DSG1: variants seen among roughly 807,000 people sequenced by gnomAD.
DSG1 encodes the protein desmoglein-1.
A neutral mutation model predicts 97.5 loss-of-function variants in DSG1; 39 were observed. The observed-to-expected ratio is 0.40, with a 90% CI of 0.31 to 0.52. The LOEUF (loss-of-function observed/expected upper bound fraction) is 0.52. Ranked by LOEUF, DSG1 falls within the 20% of genes least tolerant of loss-of-function variation. The pLI is 0.53. For synonymous variants in DSG1, 475 were observed against 443.4 expected, an observed-to-expected ratio of 1.07 and a Z score of -0.90; for missense variants, 1,311 against 1,295.4, an observed-to-expected ratio of 1.01 and a Z score of -0.18.
At position 31,359,009 on chromosome 18, in the gene DSG1, A is replaced by G. The variant is rs2071980902; in HGVS notation, c.*3663A>G. 6.6e-6 allele frequency among the ~76,000 whole-genome samples: 1 copy of G among 152,152 alleles called. No homozygotes were observed. The highest frequency in any genetic ancestry group is 6.6e-5 in the Admixed American group (1 of 15,266). ...CTGTATTTGAATTACTAAATGCTTT[A>G]TCGTCAAACTGTACCTAGTCTAACT... On this transcript the variant is annotated 3_prime_UTR_variant, in exon 15 of 15. Coordinates refer to ENST00000257192, the MANE Select transcript of DSG1 (RefSeq NM_001942.4).
chr18:31,324,021 C>T (rs2071670086), intron 1 of DSG1, among the ~76,000 whole-genome samples: 1 of 109,844 alleles, frequency 9.1e-6, no homozygotes, highest in Non-Finnish European at 1.7e-5. Flanking sequence ...CAAAGTCTTG[C>T]TCTGTCCCCA....
rs998104488 is a variant in DSG1 at position 31,330,866 on chromosome 18, G to A, written c.517+830G>A. On this transcript the variant is annotated intron_variant, in intron 5 of 14. Transcript: ENST00000257192. ...ATTTAATTATATAAATTACATAAGT[G>A]TATATAAATGTTAATTATCTAGTGA... is the stretch of plus-strand genomic sequence containing the variant. Among the ~76,000 whole-genome samples, 20 of 151,982 alleles carry A rather than the reference G, an allele frequency of 1.3e-4. 1 individual carries two copies. The highest frequency in any genetic ancestry group is 4.8e-4 in the African/African-American group (20 of 41,394).
chr18:31,337,648 G>C (rs1330194677), intron 9 of DSG1, among the ~76,000 whole-genome samples: 1 of 152,176 alleles, frequency 6.6e-6, no homozygotes, highest in Non-Finnish European at 1.5e-5. Flanking sequence ...TGTTGCTGAT[G>C]AGCGCTCTTG....
chr18:31,334,335 T>G, intron 8 of DSG1, 133 bp downstream of exon 8: 1 of 613,576 alleles, frequency 1.6e-6, no homozygotes, highest in Non-Finnish European at 2.8e-6. Flanking sequence ...TTTAAATATA[T>G]ATATAACATA....
chr18:31,324,511 G>T (rs1468441505), intron 1 of DSG1, among the ~76,000 whole-genome samples: 1 of 152,072 alleles, frequency 6.6e-6, no homozygotes, highest in Non-Finnish European at 1.5e-5. Flanking sequence ...GTTTCCAATT[G>T]CTGATCATCT....
At chr18:31,328,451 T>G (rs2144089766) in intron 4 of DSG1, 107 bp downstream of exon 4, 1 of 1,173,740 alleles carries the variant, frequency 8.5e-7, no homozygotes, top group East Asian at 2.4e-5. Context: ...ATATTTGGCA[T>G]TTTTGGTTGT....
rs1022150663 is a variant in DSG1 at position 31,351,054 on chromosome 18, T to A, written c.2101-3243T>A. The stretch of plus-strand genomic sequence containing the variant: ...CTTGCTTTTCTAGTTCTTTTAATTG[T>A]GATGTTAGGGTGTCAATTTGGGATC... On this transcript the variant is annotated intron_variant, in intron 14 of 14. Coordinates refer to ENST00000257192, the MANE Select transcript of DSG1 (RefSeq NM_001942.4). Among the ~76,000 whole-genome samples the A allele has an allele frequency of 6.7e-5, 10 of 149,598 alleles. 1 individual carries two copies. Among genetic ancestry groups the A allele is most frequent in the African/African-American group, 2.6e-4 (10 of 39,120 alleles).
At chr18:31,353,632 C>T (rs1365795223) in intron 14 of DSG1, among the ~76,000 whole-genome samples, 4 of 151,658 alleles carry the variant, frequency 2.6e-5, no homozygotes, top group South Asian at 4.2e-4. Flanking sequence ...ACTCCGTGGG[C>T]GTAGGACCCT....
At chr18:31,346,976 C>T (rs1598711674) in intron 14 of DSG1, among the ~76,000 whole-genome samples, 1 of 152,240 alleles carries the variant, frequency 6.6e-6, no homozygotes, top group East Asian at 1.9e-4. Flanking sequence ...GAAGCAGCTG[C>T]AGGAGAATTT....
At chr18:31,342,238 G>GT (rs1295554169) in intron 11 of DSG1, among the ~76,000 whole-genome samples, 2 of 152,074 alleles carry the variant, frequency 1.3e-5, no homozygotes, top group African/African-American at 4.8e-5. Context: ...GTCCTGAGTT[G>GT]TTTTTTTACA....
Position 31,318,168 on chromosome 18 carries a change from C to T in DSG1, c.-133C>T. ...TTCTCCCAGAGGAAGGCAGAAACACCTCAAAGCCTGCATGTAAGAACATCT... is the reference window on the plus strand; with the variant it reads ...TTCTCCCAGAGGAAGGCAGAAACACTTCAAAGCCTGCATGTAAGAACATCT... On this transcript the variant is annotated 5_prime_UTR_variant, in exon 1 of 15. Transcript: ENST00000257192. 1 of 840,200 alleles carries T rather than the reference C, an allele frequency of 1.2e-6. No homozygotes were observed. The highest frequency in any genetic ancestry group is 2.1e-6 in the Non-Finnish European group (1 of 487,284). The allele number at this position is 840,200 out of a possible 1,614,324, so 52.0% of individuals were successfully genotyped here. A position where few individuals can be genotyped will look rare whatever the true frequency, so the allele number is the denominator to read the frequency against.
rs138330806 is a variant in DSG1, at chr18:31,334,059, C to T, written c.862C>T (p.Leu288Phe). ...AGAAAATACTCTAAATTCAAATTTG[C>T]TCGAGATTAGAGTAATTGATTTGGA... ...IQENTLNSNL[L>F]EIRVIDLDEE... Residue 288 changes from leucine to phenylalanine, a missense_variant, in exon 8 of 15, where the codon CTC becomes TTC. Around this residue, in one of 3 missense-constraint regions of DSG1, gnomAD observed 1,038 missense variants for 964.6 expected, o/e 1.08. Transcript: ENST00000257192. 3.1e-6 allele frequency: 5 copies of T among 1,610,526 alleles called. No individual in the cohort carries two copies. The African/African-American group carries it at 6.7e-5, about 22-fold the overall frequency.
chr18:31,343,812 A>G (rs775691540), intron 12 of DSG1, 114 bp from the exon 13 acceptor site: 1 of 1,161,020 alleles, frequency 8.6e-7, no homozygotes, highest in Non-Finnish European at 1.3e-6. Context: ...TTTCCTAAAT[A>G]GTATTTTTTT....
At chr18:31,321,028 G>T (rs1001863324) in intron 1 of DSG1, among the ~76,000 whole-genome samples, 1 of 151,974 alleles carries the variant, frequency 6.6e-6, no homozygotes, top group African/African-American at 2.4e-5. Flanking sequence ...GACCATGAAT[G>T]ATCTGATTAT....
At chr18:31,328,444 T>C (rs891161855) in intron 4 of DSG1, 100 bp downstream of exon 4, 34 of 1,247,084 alleles carry the variant, frequency 2.7e-5, no homozygotes, top group Middle Eastern at 2.6e-4. Flanking sequence ...AGTCTCAATA[T>C]TTGGCATTTT....
intron 1 of DSG1, among the ~76,000 whole-genome samples, chr18:31,319,741 C>T (rs913521770): frequency 1.3e-5 from 2 of 152,124 alleles, no homozygotes; most frequent in Non-Finnish European, 2.9e-5. Flanking sequence ...CATAGAATCT[C>T]TAAGATGTGC....
intron 1 of DSG1, among the ~76,000 whole-genome samples, chr18:31,323,450 T>C (rs1817292660): frequency 6.6e-6 from 1 of 152,224 alleles, no homozygotes; most frequent in Non-Finnish European, 1.5e-5. Context: ...CCTTTCCTAA[T>C]TGATCGATTT....
rs1443794984 is a variant in DSG1 at position 31,358,488 on chromosome 18, T to G, written c.*3142T>G. On this transcript the variant is annotated 3_prime_UTR_variant, in exon 15 of 15. Coordinates refer to ENST00000257192, the MANE Select transcript of DSG1 (RefSeq NM_001942.4). ...ATAATTTTTATTCAAGAAAATGTTC[T>G]GACAAAATTTTAATTATATGTCTTC... 2.0e-5 allele frequency among the ~76,000 whole-genome samples: 3 copies of G among 152,122 alleles called. No individual in the cohort carries two copies. In the East Asian group the frequency reaches 5.8e-4, roughly 29 times the overall value.
At chr18:31,319,683 T>C (rs2144079185) in intron 1 of DSG1, among the ~76,000 whole-genome samples, 1 of 152,284 alleles carries the variant, frequency 6.6e-6, no homozygotes, top group Non-Finnish European at 1.5e-5. Flanking sequence ...TTAAGAGCTA[T>C]TATAGTTTTA....
Sources: gnomAD v4.1 joint callset for allele counts (sites outside exome capture counted in the v4.1 genomes callset) on GRCh38, gnomAD v4.1.1 for gene constraint, gnomAD v4.1.1 regional missense constraint, MANE v1.5 for transcripts, NCBI Gene and HGNC (gene_info 2026-07-23, HGNC 2026-07-21) for gene names.